Variants in ITGA11 observed in about 807,000 individuals in gnomAD.
ITGA11 encodes the protein integrin subunit alpha 11.
In ITGA11, 97 loss-of-function variants were observed where a neutral mutation model predicts 141.9. That is an observed-to-expected ratio of 0.68 (90% CI 0.58 to 0.81). The LOEUF (loss-of-function observed/expected upper bound fraction) is 0.81, where lower values mean the gene tolerates loss of function less well. Among genes scored for constraint, ITGA11 ranks in the 30% least tolerant of loss-of-function variants. The pLI is 0.00. For synonymous variants in ITGA11, 658 were observed against 624.6 expected (o/e 1.05, Z -0.80); for missense variants, 1,387 against 1,559.2 (o/e 0.89, Z 1.86).
intron 4 of ITGA11, among the ~76,000 whole-genome samples, chr15:68,362,214 T>C (rs1163768187): frequency 6.6e-6 from 1 of 152,180 alleles, no homozygotes; most frequent in Non-Finnish European, 1.5e-5. Context: ...TTCTGTGAAA[T>C]GTTCTACCAA....
At chr15:68,415,965 G>C (rs980880315) in intron 1 of ITGA11, among the ~76,000 whole-genome samples, 1 of 152,262 alleles carries the variant, frequency 6.6e-6, no homozygotes, top group South Asian at 2.1e-4. Flanking sequence ...TTCACCCACT[G>C]TCCTCTGTCA....
chr15:68,331,005 G>T lies in ITGA11; in HGVS notation c.1877C>A (p.Ala626Asp). 6.2e-7 allele frequency: 1 copy of T among 1,613,862 alleles called. No homozygotes were observed. The highest frequency in any genetic ancestry group is 1.6e-4 in the Middle Eastern group (1 of 6,062). ...EDGLIDLAVG[A>D]LGNAVILWSR... ...CCACAGAATCACAGCGTTGCCAAGG[G>T]CTCCCACTGCCAGGTCGATGAGCCC... Residue 626 changes from alanine (A) to aspartate (D), a missense_variant, in exon 15 of 30, where the codon GCC (alanine) becomes GAC (aspartate). Physicochemically the swap from Ala to Asp is moderately radical, Grantham distance 126 (BLOSUM62 -2). Transcript: ENST00000315757.
intron 24 of ITGA11, 94 bp downstream of exon 24, chr15:68,312,679 C>T (rs891908383): frequency 1.2e-5 from 11 of 916,170 alleles, no homozygotes; most frequent in African/African-American, 4.9e-5. Context: ...GGCTGGACTC[C>T]GGGCACTAGC....
At position 68,385,381 on chromosome 15, in the gene ITGA11, G is replaced by A. The variant is rs531569584; in HGVS notation, c.165-16097C>T. On this transcript the variant is annotated intron_variant, in intron 2 of 29. Transcript: ENST00000315757. ...CTGGGAAACCTCTGGGTTGGGAGAGGAGGAAGTGGCAGTGCCAGAGGGCAA... is the reference window on the plus strand; with the variant it reads ...CTGGGAAACCTCTGGGTTGGGAGAGAAGGAAGTGGCAGTGCCAGAGGGCAA... Among the ~76,000 whole-genome samples the A allele has an allele frequency of 1.3e-4, 20 of 152,338 alleles. No individual in the cohort carries two copies. In the South Asian group the frequency reaches 3.9e-3, roughly 30 times the overall value.
chr15:68,414,228 G>A (rs1410155044), intron 1 of ITGA11, among the ~76,000 whole-genome samples: 1 of 152,220 alleles, frequency 6.6e-6, no homozygotes, highest in African/African-American at 2.4e-5. Context: ...CAGGCAGGGA[G>A]CACCAGCTCC....
At position 68,366,742 on chromosome 15, in the gene ITGA11, G is replaced by C. The variant is rs192342761; in HGVS notation, c.266-1944C>G. ...GCCTTCCTCAGCAGGTCTGGGTGAG[G>C]GTCCCGGGCCCAGATATCTCCCTAC... is the stretch of plus-strand genomic sequence containing the variant. On this transcript the variant is annotated intron_variant, in intron 3 of 29. Transcript: ENST00000315757. Among the ~76,000 whole-genome samples the C allele has an allele frequency of 2.0e-5, 3 of 152,120 alleles. No individual in the cohort carries two copies. In the East Asian group the frequency reaches 5.8e-4, roughly 30 times the overall value.
chr15:68,313,659 T>C, intron 23 of ITGA11, 120 bp downstream of exon 23: 1 of 718,402 alleles, frequency 1.4e-6, no homozygotes, highest in Non-Finnish European at 2.4e-6. Flanking sequence ...GCTCCATCCA[T>C]AGTCCCTTAG....
intron 2 of ITGA11, among the ~76,000 whole-genome samples, chr15:68,384,019 T>C (rs1411629277): frequency 6.6e-6 from 1 of 152,100 alleles, no homozygotes; most frequent in Non-Finnish European, 1.5e-5. Flanking sequence ...AGACTTTCTT[T>C]TCAATATTTT....
At position 68,305,183 on chromosome 15, in the gene ITGA11, G is replaced by C. The variant is rs953313756; in HGVS notation, c.3382-1298C>G. Among the ~76,000 whole-genome samples, 11 of 152,312 alleles carry C rather than the reference G, an allele frequency of 7.2e-5. No individual in the cohort carries two copies. Among genetic ancestry groups the C allele is most frequent in the African/African-American group, 2.2e-4 (9 of 41,574 alleles). On this transcript the variant is annotated intron_variant, in intron 28 of 29. Coordinates refer to ENST00000315757, the MANE Select transcript of ITGA11 (RefSeq NM_001004439.2). This position sits in a 1 kb window ranked among gnomAD's most constrained non-coding sequence, Gnocchi z 4.6. The stretch of plus-strand genomic sequence containing the variant: ...GCCTCCAGCATGCATGCCATGGCGT[G>C]CCTGCTGTAGGCATTGCTATTCCCT...
chr15:68,420,644 A>ATTTCT (rs5813491), intron 1 of ITGA11, among the ~76,000 whole-genome samples: 24,150 of 151,962 alleles, frequency 0.16, 5,405 homozygotes, highest in African/African-American at 0.5. Context: ...AGTAAATGGG[A>ATTTCT]TTTCTAGCAA....
chr15:68,361,495 T>C, intron 5 of ITGA11, 95 bp downstream of exon 5: 1 of 792,876 alleles, frequency 1.3e-6, no homozygotes, highest in Non-Finnish European at 2.1e-6. Flanking sequence ...AGAGTCCAAA[T>C]ACTGCTTTCT....
rs143072321 is a variant in ITGA11 at position 68,371,314 on chromosome 15, C to T, written c.165-2030G>A. Reference sequence around the variant, plus strand: ...TTTCAAGGTTAACCTGACACGTGACCAAGTCTTCCTGAGGGACACGTTCCT... The same window carrying T: ...TTTCAAGGTTAACCTGACACGTGACTAAGTCTTCCTGAGGGACACGTTCCT... On this transcript the variant is annotated intron_variant, in intron 2 of 29. Transcript: ENST00000315757. Among the ~76,000 whole-genome samples the T allele has an allele frequency of 2.9e-3, 447 of 152,286 alleles. 4 individuals are homozygous for T. Among genetic ancestry groups the T allele is most frequent in the African/African-American group, 0.01 (420 of 41,558 alleles).
At chr15:68,369,668 A>G (rs1167491336) in intron 2 of ITGA11, among the ~76,000 whole-genome samples, 1 of 152,248 alleles carries the variant, frequency 6.6e-6, no homozygotes, top group Non-Finnish European at 1.5e-5. Flanking sequence ...CATTCTGACA[A>G]AGGAATGATG....
intron 5 of ITGA11, among the ~76,000 whole-genome samples, chr15:68,359,120 A>G (rs72743262): frequency 0.023 from 3,475 of 152,220 alleles, 54 homozygotes; most frequent in South Asian, 0.035. Flanking sequence ...TAAAAGAGGC[A>G]CAACAATAGT....
At chr15:68,320,109 T>C (rs1005433619) in intron 20 of ITGA11, 76 bp downstream of exon 20, 5 of 1,281,748 alleles carry the variant, frequency 3.9e-6, no homozygotes, top group Non-Finnish European at 5.6e-6. Flanking sequence ...TTCCAACATG[T>C]AGCCAGGAGC....
At chr15:68,423,916 G>A (rs938746698) in intron 1 of ITGA11, among the ~76,000 whole-genome samples, 14 of 152,050 alleles carry the variant, frequency 9.2e-5, no homozygotes, top group African/African-American at 3.1e-4. Flanking sequence ...TTTCAGCAGG[G>A]CCCAAGATCA....
chr15:68,431,480 G>A (rs1039940639), intron 1 of ITGA11, among the ~76,000 whole-genome samples: 2 of 152,210 alleles, frequency 1.3e-5, no homozygotes, highest in Non-Finnish European at 2.9e-5. Context: ...GCTTTGCTCT[G>A]TCTTTGGCCG....
intron 2 of ITGA11, among the ~76,000 whole-genome samples, chr15:68,396,184 C>T (rs1417860662): frequency 3.3e-5 from 5 of 151,918 alleles, no homozygotes; most frequent in African/African-American, 4.8e-5. Context: ...TGGGAGAATA[C>T]GTGGTGACCA....
At chr15:68,343,369 T>C (rs1894633923) in intron 10 of ITGA11, among the ~76,000 whole-genome samples, 1 of 152,176 alleles carries the variant, frequency 6.6e-6, no homozygotes, top group South Asian at 2.1e-4. Context: ...ACTTGATTTA[T>C]TAGTAAGTCT....
Sources: allele counts gnomAD v4.1 joint callset (sites outside exome capture counted in the v4.1 genomes callset), GRCh38; gene constraint gnomAD v4.1.1; non-coding constraint Gnocchi (gnomAD v3.1); transcripts MANE v1.5; gene names NCBI Gene and HGNC (gene_info 2026-07-23, HGNC 2026-07-21).